SIPA1L3: variants seen among roughly 807,000 people sequenced by gnomAD.
SIPA1L3 encodes signal induced proliferation associated 1 like 3.
A neutral mutation model predicts 150.1 loss-of-function variants in SIPA1L3; 59 were observed. That is an observed-to-expected ratio of 0.39 (90% confidence interval 0.32 to 0.49). The LOEUF is 0.49. Among genes scored for constraint, SIPA1L3 ranks in the 20% least tolerant of loss-of-function variants. The probability of loss-of-function intolerance (pLI) is 0.86; values close to 1 mark genes in which losing one functional copy is unlikely to be tolerated. For synonymous variants in SIPA1L3, 1,070 were observed against 1,077.6 expected (o/e 0.99, Z 0.14); for missense variants, 2,211 against 2,489.5 (o/e 0.89, Z 2.38).
In SIPA1L3 at chr19:38,193,928, C is replaced by A. The variant is rs890438483; in HGVS notation, c.4840+148C>A. On this transcript the variant is annotated intron_variant, in intron 18 of 21. Coordinates refer to ENST00000222345, the MANE Select transcript of SIPA1L3 (RefSeq NM_015073.3). Reference sequence around the variant, plus strand: ...GGAGGAATGGGGTTCACAGGAACTTCGGGGGGCCTGATGGTGGGGCACTGG... The same window carrying A: ...GGAGGAATGGGGTTCACAGGAACTTAGGGGGGCCTGATGGTGGGGCACTGG... The A allele has an allele frequency of 4.3e-6, 4 of 927,628 alleles. No homozygotes were observed. In the East Asian group the frequency reaches 9.7e-5, roughly 23 times the overall value. The allele number at this position is 927,628 out of a possible 1,614,324, so 57.5% of individuals were successfully genotyped here.
chr19:38,104,815 C>G (rs926504105), intron 6 of SIPA1L3, among the ~76,000 whole-genome samples: 1 of 115,750 alleles, frequency 8.6e-6, no homozygotes, highest in Non-Finnish European at 2.1e-5. Context: ...AGGTGATCCA[C>G]CCACCTCGGC....
chr19:38,150,417 C>T (rs1400139130), intron 12 of SIPA1L3, among the ~76,000 whole-genome samples: 1 of 152,096 alleles, frequency 6.6e-6, no homozygotes, highest in Non-Finnish European at 1.5e-5. Context: ...TCAGTTACTT[C>T]CTCTTTGGCA....
At chr19:38,051,825 GGT>G (rs1405279425) in intron 2 of SIPA1L3, among the ~76,000 whole-genome samples, 1 of 152,148 alleles carries the variant, frequency 6.6e-6, no homozygotes, top group Non-Finnish European at 1.5e-5. Flanking sequence ...TTGAACTCCT[GGT>G]CTCAAGTAGT....
At chr19:38,171,385 CTT>C (rs1055077464) in intron 15 of SIPA1L3, among the ~76,000 whole-genome samples, 320 of 77,882 alleles carry the variant, frequency 4.1e-3, no homozygotes, top group African/African-American at 0.014. Context: ...CCTACCAAAA[CTT>C]TTTTTTTTTT....
intron 1 of SIPA1L3, among the ~76,000 whole-genome samples, chr19:37,992,922 C>T (rs764655409): frequency 3.3e-5 from 5 of 152,096 alleles, no homozygotes; most frequent in Admixed American, 6.6e-5. Context: ...TTGTGCAGGG[C>T]GAGTGTGAGT....
At chr19:37,922,826 CAAGAT>C (rs1358039021) in intron 1 of SIPA1L3, among the ~76,000 whole-genome samples, 18 of 151,524 alleles carry the variant, frequency 1.2e-4, no homozygotes, top group Admixed American at 1.2e-3. Flanking sequence ...AATCAACAAA[CAAGAT>C]AAAGAAGTAA....
At chr19:38,168,307 A>C (rs1262054178) in intron 15 of SIPA1L3, among the ~76,000 whole-genome samples, 1 of 152,054 alleles carries the variant, frequency 6.6e-6, no homozygotes, top group Non-Finnish European at 1.5e-5. Context: ...GAATCCCTTG[A>C]ACCTGGGAGG....
At chr19:38,083,132 T>C in intron 3 of SIPA1L3, 33 bp downstream of exon 3, 1 of 1,575,372 alleles carries the variant, frequency 6.3e-7, no homozygotes, top group Non-Finnish European at 8.6e-7. Flanking sequence ...GAAGGTTGGG[T>C]GGGCCGAGGC....
intron 6 of SIPA1L3, among the ~76,000 whole-genome samples, chr19:38,102,280 C>CAG (rs56802124): frequency 0.13 from 18,841 of 144,150 alleles, 1,467 homozygotes; most frequent in African/African-American, 0.16. Flanking sequence ...CTGCTGACCT[C>CAG]GTGATCTGCC....
At chr19:38,055,670 A>C (rs1401904044) in intron 2 of SIPA1L3, among the ~76,000 whole-genome samples, 1 of 152,220 alleles carries the variant, frequency 6.6e-6, no homozygotes, top group African/African-American at 2.4e-5. Context: ...CCAGCAGTGG[A>C]GCCTGAGGTG....
chr19:37,932,663 G>A (rs1305026803), intron 1 of SIPA1L3: 1 of 152,278 alleles, frequency 6.6e-6, no homozygotes, highest in African/African-American at 2.4e-5. Context: ...CCCACTTTGT[G>A]ATCAGAGCCG....
chr19:38,020,598 C>G (rs1968351296), intron 1 of SIPA1L3, among the ~76,000 whole-genome samples: 1 of 152,224 alleles, frequency 6.6e-6, no homozygotes, highest in Admixed American at 6.5e-5. Flanking sequence ...GCCAGCCGAC[C>G]ACAGTGCCTG....
At chr19:38,185,701 A>G (rs1000760523) in intron 16 of SIPA1L3, 3 of 151,686 alleles carry the variant, frequency 2.0e-5, no homozygotes, top group African/African-American at 7.3e-5. Flanking sequence ...CCCCGTCTCT[A>G]CCTCCTCTTC....
At chr19:37,923,119 A>G (rs1056921530) in intron 1 of SIPA1L3, among the ~76,000 whole-genome samples, 1 of 151,510 alleles carries the variant, frequency 6.6e-6, no homozygotes, top group Non-Finnish European at 1.5e-5. Flanking sequence ...CCTGGGCGAC[A>G]GAGCGAGACT....
chr19:38,103,748 A>C (rs1342008277), intron 6 of SIPA1L3, among the ~76,000 whole-genome samples: 3 of 151,290 alleles, frequency 2.0e-5, no homozygotes, highest in Admixed American at 6.6e-5. Context: ...AGGGTGAAAC[A>C]CCGTCTCTAC....
chr19:38,097,311 T>G (rs1188903206), intron 4 of SIPA1L3, among the ~76,000 whole-genome samples: 1 of 152,060 alleles, frequency 6.6e-6, no homozygotes, highest in Non-Finnish European at 1.5e-5. Context: ...ATTGTGCCAC[T>G]CCATTCCAGC....
At chr19:37,919,096 C>G (rs1366038415) in intron 1 of SIPA1L3, among the ~76,000 whole-genome samples, 1 of 151,978 alleles carries the variant, frequency 6.6e-6, no homozygotes, top group Non-Finnish European at 1.5e-5. Flanking sequence ...GGGGAAGGGA[C>G]ATCACAGTGG....
At chr19:37,961,638 G>A (rs561247145) in intron 1 of SIPA1L3, among the ~76,000 whole-genome samples, 1 of 152,210 alleles carries the variant, frequency 6.6e-6, no homozygotes, top group African/African-American at 2.4e-5. Context: ...TGGCCTTCTT[G>A]GATGTGTAAA....
At chr19:38,104,361 G>A (rs1047476040) in intron 6 of SIPA1L3, among the ~76,000 whole-genome samples, 2 of 152,212 alleles carry the variant, frequency 1.3e-5, no homozygotes, top group Non-Finnish European at 2.9e-5. Flanking sequence ...CATCTGTAGA[G>A]TGAAGGTAAT....
Sources: allele counts gnomAD v4.1 joint callset (sites outside exome capture counted in the v4.1 genomes callset), GRCh38; gene constraint gnomAD v4.1.1; transcripts MANE v1.5; gene names NCBI Gene and HGNC (gene_info 2026-07-23, HGNC 2026-07-21).